Variants in CENPC observed in about 807,000 individuals in gnomAD.
CENPC encodes centromere protein C.
Under a neutral mutation model 112.1 loss-of-function variants are expected in CENPC, and 63 were observed. The observed-to-expected ratio is 0.56, with a 90% CI of 0.46 to 0.69. CENPC has a LOEUF of 0.69. Among genes scored for constraint, CENPC ranks in the 30% least tolerant of loss-of-function variants. The probability of loss-of-function intolerance (pLI) is 0.00; values close to 1 mark genes in which losing one functional copy is unlikely to be tolerated. For missense variants in CENPC, 1,000 were observed against 1,103.8 expected (o/e 0.91, Z 1.33); for synonymous variants, 333 against 367.6 (o/e 0.91, Z 1.08).
chr4:67,491,363 C>CCTACTT (rs1191458187), intron 16 of CENPC, among the ~76,000 whole-genome samples: 1 of 148,770 alleles, frequency 6.7e-6, no homozygotes, highest in African/African-American at 2.5e-5. Context: ...TCTGATTTGA[C>CCTACTT]CTACTTCTCC....
At chr4:67,475,065 G>A (rs917136256) in intron 17 of CENPC, 87 bp from the exon 18 acceptor site, 23 of 695,904 alleles carry the variant, frequency 3.3e-5, no homozygotes, top group African/African-American at 1.1e-4. Context: ...GAAGAATAAC[G>A]ACTCCCCACA....
At chr4:67,542,699 G>T (rs1427676883) in intron 2 of CENPC, among the ~76,000 whole-genome samples, 1 of 152,050 alleles carries the variant, frequency 6.6e-6, no homozygotes, top group Non-Finnish European at 1.5e-5. Flanking sequence ...ATGGTCAAAT[G>T]GCCTACCTCA....
At chr4:67,489,223 T>C (rs355470) in intron 17 of CENPC, among the ~76,000 whole-genome samples, 24,717 of 142,686 alleles carry the variant, frequency 0.17, 2,766 homozygotes, top group East Asian at 0.55. Context: ...CACACACACA[T>C]ACACACATAT....
chr4:67,538,699 G>A (rs1006632748), intron 4 of CENPC, among the ~76,000 whole-genome samples: 18 of 152,198 alleles, frequency 1.2e-4, no homozygotes, highest in African/African-American at 3.4e-4. Flanking sequence ...CAGAGAATGC[G>A]TTGTAAGAAA....
intron 17 of CENPC, among the ~76,000 whole-genome samples, chr4:67,484,636 A>T (rs1725042326): frequency 6.6e-6 from 1 of 152,224 alleles, no homozygotes; most frequent in African/African-American, 2.4e-5. Context: ...TTTTTGTGGA[A>T]GAAAAATTGT....
intron 16 of CENPC, among the ~76,000 whole-genome samples, chr4:67,491,330 C>T (rs1215483597): frequency 4.6e-5 from 7 of 150,596 alleles, no homozygotes; most frequent in African/African-American, 1.2e-4. Context: ...CCCACCACCA[C>T]GCCCAGCTAC....
In CENPC at chr4:67,469,842, G is replaced by A. The variant is rs932737065; in HGVS notation, c.*2763C>T. 2.0e-5 allele frequency: 3 copies of A among 152,124 alleles called. No individual in the cohort carries two copies. The highest frequency in any genetic ancestry group is 7.2e-5 in the African/African-American group (3 of 41,422). The allele number at this position is 152,124 out of a possible 1,614,324, so 9.4% of individuals were successfully genotyped here. A position where few individuals can be genotyped will look rare whatever the true frequency, so the allele number is the denominator to read the frequency against. On this transcript the variant is annotated 3_prime_UTR_variant, in exon 19 of 19. Coordinates refer to ENST00000273853, the MANE Select transcript of CENPC (RefSeq NM_001812.4). The stretch of plus-strand genomic sequence containing the variant: ...TGGGCACAGAAAGATCACAATTTAG[G>A]GCTGTTGAGAAAACTGAATTGTGAT...
intron 6 of CENPC, among the ~76,000 whole-genome samples, chr4:67,518,725 T>C (rs1726132325): frequency 1.3e-5 from 2 of 152,170 alleles, no homozygotes; most frequent in Admixed American, 6.5e-5. Flanking sequence ...CCAGTAATCA[T>C]ACAATACTCT....
chr4:67,514,786 A>G, intron 7 of CENPC, 99 bp from the exon 8 acceptor site: 1 of 1,239,610 alleles, frequency 8.1e-7, no homozygotes, highest in Non-Finnish European at 1.1e-6. Flanking sequence ...AATTTCTTTT[A>G]AACTGTTTAT....
intron 11 of CENPC, among the ~76,000 whole-genome samples, chr4:67,505,815 GCAT>G (rs1192927088): frequency 6.6e-6 from 1 of 151,994 alleles, no homozygotes; most frequent in Non-Finnish European, 1.5e-5. Context: ...TGACAGTTGA[GCAT>G]CATAAGTACT....
intron 4 of CENPC, among the ~76,000 whole-genome samples, chr4:67,535,895 T>C (rs1205287793): frequency 6.6e-6 from 1 of 152,096 alleles, no homozygotes; most frequent in Admixed American, 6.6e-5. Flanking sequence ...CCTAGAGTAA[T>C]AGCTAAGACT....
At chr4:67,509,830 TCAC>T (rs1725846378) in intron 9 of CENPC, among the ~76,000 whole-genome samples, 1 of 152,128 alleles carries the variant, frequency 6.6e-6, no homozygotes, top group African/African-American at 2.4e-5. Context: ...GCTGCAAGAA[TCAC>T]CTTTGGAAAA....
At chr4:67,486,544 G>T (rs186873782) in intron 17 of CENPC, among the ~76,000 whole-genome samples, 1 of 152,098 alleles carries the variant, frequency 6.6e-6, no homozygotes, top group Non-Finnish European at 1.5e-5. Context: ...CAATATTAGC[G>T]GTTCTCAATC....
At chr4:67,502,235 C>A (rs1725610184) in intron 12 of CENPC, among the ~76,000 whole-genome samples, 2 of 151,986 alleles carry the variant, frequency 1.3e-5, no homozygotes, top group South Asian at 4.2e-4. Flanking sequence ...AGAATGTCTA[C>A]CAACTTTACA....
chr4:67,519,795 A>C (rs1726170930), intron 5 of CENPC, among the ~76,000 whole-genome samples: 1 of 152,194 alleles, frequency 6.6e-6, no homozygotes, highest in African/African-American at 2.4e-5. Flanking sequence ...GTGTATATAT[A>C]CATACACAGT....
chr4:67,505,814 A>G (rs984431862), intron 11 of CENPC, among the ~76,000 whole-genome samples: 3 of 152,202 alleles, frequency 2.0e-5, no homozygotes, highest in Non-Finnish European at 4.4e-5. Flanking sequence ...CTGACAGTTG[A>G]GCATCATAAG....
At chr4:67,500,350 GTGTA>G (rs1486129302) in intron 12 of CENPC, among the ~76,000 whole-genome samples, 11 of 152,168 alleles carry the variant, frequency 7.2e-5, no homozygotes, top group African/African-American at 9.7e-5. Flanking sequence ...GTGTACATAT[GTGTA>G]TGTGTGTGTG....
chr4:67,530,997 G>GA (rs368866550), intron 4 of CENPC, 83 bp from the exon 5 acceptor site: 3 of 602,202 alleles, frequency 5.0e-6, no homozygotes, highest in Non-Finnish European at 8.2e-6. Context: ...TAAATGGGGG[G>GA]AAAAACAAGT....
rs1187070818 is a variant in CENPC at position 67,545,365 on chromosome 4, C to G, written c.-10G>C. 3 of 1,525,156 alleles carry G rather than the reference C, an allele frequency of 2.0e-6. No individual in the cohort carries two copies. The highest frequency in any genetic ancestry group is 2.6e-6 in the Non-Finnish European group (3 of 1,132,938). 94.5% of individuals were successfully genotyped at this position (1,525,156 alleles called of 1,614,324 possible). Reference sequence around the variant, plus strand: ...GACCGGACGCAGCCATGTTCCGGCCCCGCTGAGCCAGCGCAACTGTCTGAG... The same window carrying G: ...GACCGGACGCAGCCATGTTCCGGCCGCGCTGAGCCAGCGCAACTGTCTGAG... On this transcript the variant is annotated 5_prime_UTR_variant, in exon 1 of 19. Transcript: ENST00000273853.
Sources: gnomAD v4.1 joint callset for allele counts (sites outside exome capture counted in the v4.1 genomes callset) on GRCh38, gnomAD v4.1.1 for gene constraint, MANE v1.5 for transcripts, NCBI Gene and HGNC (gene_info 2026-07-23, HGNC 2026-07-21) for gene names.